The following PTPRN2 variants were observed in gnomAD, a reference collection of about 807,000 sequenced individuals.
PTPRN2 encodes protein tyrosine phosphatase receptor type N2.
A neutral mutation model predicts 118.8 loss-of-function variants in PTPRN2; 74 were observed. The ratio of observed to expected loss-of-function variants is 0.62; its 90% CI spans 0.52 to 0.76. PTPRN2 has a LOEUF of 0.76. PTPRN2 is among the 30% of genes least tolerant of loss of function. PTPRN2 has a pLI of 0.00. For synonymous variants in PTPRN2, 641 were observed against 608.0 expected (o/e 1.05, Z -0.80); for missense variants, 1,481 against 1,394.4 (o/e 1.06, Z -0.99).
intron 3 of PTPRN2, among the ~76,000 whole-genome samples, chr7:158,263,624 A>G (rs1797683070): frequency 6.6e-6 from 1 of 152,172 alleles, no homozygotes; most frequent in African/African-American, 2.4e-5. Flanking sequence ...GTGAGGGTCT[A>G]CTTCCAAATT....
intron 2 of PTPRN2, among the ~76,000 whole-genome samples, chr7:158,330,559 ACC>A: frequency 1.9e-5 from 1 of 53,706 alleles, no homozygotes; most frequent in African/African-American, 6.4e-5. Flanking sequence ...CGTCACTCAC[ACC>A]CACACTCTCA....
At chr7:158,443,571 G>A (rs967399378) in intron 2 of PTPRN2, among the ~76,000 whole-genome samples, 1 of 151,992 alleles carries the variant, frequency 6.6e-6, no homozygotes, top group Non-Finnish European at 1.5e-5. Flanking sequence ...AGCGGCGTGG[G>A]GCGACTCCTC....
intron 1 of PTPRN2, among the ~76,000 whole-genome samples, chr7:158,566,223 G>A (rs553931743): frequency 1.6e-3 from 240 of 152,176 alleles, no homozygotes; most frequent in Non-Finnish European, 2.6e-3. Context: ...GCGTGGTGGC[G>A]GGCACCTGTT....
chr7:157,657,473 C>A (rs1293388050), intron 13 of PTPRN2, among the ~76,000 whole-genome samples: 1 of 34,472 alleles, frequency 2.9e-5, no homozygotes, highest in Non-Finnish European at 6.5e-5. Flanking sequence ...CACACATACA[C>A]CACACACACC....
intron 12 of PTPRN2, among the ~76,000 whole-genome samples, chr7:157,897,244 C>G (rs1012762452): frequency 6.6e-6 from 1 of 152,114 alleles, no homozygotes; most frequent in Non-Finnish European, 1.5e-5. Flanking sequence ...ACGCAGGAGA[C>G]GCACCTCCGA....
intron 11 of PTPRN2, among the ~76,000 whole-genome samples, chr7:157,985,458 C>A (rs751526640): frequency 6.6e-6 from 1 of 152,170 alleles, no homozygotes; most frequent in Non-Finnish European, 1.5e-5. Context: ...AAGGTGACCT[C>A]ATTACCAGAA....
intron 12 of PTPRN2, among the ~76,000 whole-genome samples, chr7:157,791,413 G>A (rs1804483449): frequency 6.6e-6 from 1 of 152,232 alleles, no homozygotes; most frequent in African/African-American, 2.4e-5. Context: ...TTGGGAAGCG[G>A]AGCGGCCGCT....
chr7:158,213,047 A>AT (rs1218131694), intron 3 of PTPRN2, among the ~76,000 whole-genome samples: 1 of 152,248 alleles, frequency 6.6e-6, no homozygotes, highest in Non-Finnish European at 1.5e-5. Context: ...TGCAATTTGT[A>AT]CATGTTAGAT....
intron 21 of PTPRN2, 81 bp downstream of exon 21, chr7:157,568,821 C>G (rs564096944): frequency 7.0e-7 from 1 of 1,434,322 alleles, no homozygotes; most frequent in Non-Finnish European, 9.8e-7. Flanking sequence ...CAGGGCCTCC[C>G]GTGAACACGG....
At chr7:157,877,548 AGT>A (rs1204131404) in intron 12 of PTPRN2, among the ~76,000 whole-genome samples, 1 of 151,782 alleles carries the variant, frequency 6.6e-6, no homozygotes, top group Non-Finnish European at 1.5e-5. Flanking sequence ...CCCAGGTCCG[AGT>A]GCCCTACCCA....
intron 6 of PTPRN2, among the ~76,000 whole-genome samples, chr7:158,160,074 T>G (rs531000926): frequency 3.5e-4 from 54 of 152,344 alleles, no homozygotes; most frequent in South Asian, 1.0e-3. Context: ...AGCTTGTTAT[T>G]GTCTTTATTT....
At chr7:157,922,278 G>C (rs79132559) in intron 11 of PTPRN2, among the ~76,000 whole-genome samples, 1 of 152,118 alleles carries the variant, frequency 6.6e-6, no homozygotes, top group Non-Finnish European at 1.5e-5. Flanking sequence ...TAAATACTGG[G>C]TGACGGGGCC....
intron 13 of PTPRN2, among the ~76,000 whole-genome samples, chr7:157,667,952 G>A (rs969689537): frequency 8.5e-5 from 13 of 152,244 alleles, no homozygotes; most frequent in African/African-American, 2.7e-4. Context: ...GCAGAGTCAC[G>A]TGGGACCATC....
intron 14 of PTPRN2, among the ~76,000 whole-genome samples, chr7:157,652,311 C>T (rs760570322): frequency 1.3e-5 from 2 of 152,186 alleles, no homozygotes; most frequent in African/African-American, 2.4e-5. Flanking sequence ...TCAGGATGGG[C>T]GGCATCTCAG....
At position 157,903,514 on chromosome 7, in the gene PTPRN2, C is replaced by T. The variant is rs1054534214; in HGVS notation, c.1724-4777G>A. Among the ~76,000 whole-genome samples, 1 of 152,072 alleles carries T rather than the reference C, an allele frequency of 6.6e-6. No individual in the cohort carries two copies. Among genetic ancestry groups the T allele is most frequent in the Non-Finnish European group, 1.5e-5 (1 of 68,018 alleles). On this transcript the variant is annotated intron_variant, in intron 11 of 22. Transcript: ENST00000389418. The surrounding 1 kb of genome is among the most constrained non-coding windows in gnomAD (Gnocchi z 4.2). ...AATACGGATAAGTGAACAGATGTGCCACCGACAACCCTCCCACATGCCCCA... is the reference window on the plus strand; with the variant it reads ...AATACGGATAAGTGAACAGATGTGCTACCGACAACCCTCCCACATGCCCCA...
chr7:157,803,608 G>C (rs1805453350), intron 12 of PTPRN2, among the ~76,000 whole-genome samples: 2 of 152,166 alleles, frequency 1.3e-5, no homozygotes, highest in Non-Finnish European at 2.9e-5. Flanking sequence ...GTGGGTTTTT[G>C]TGGATGTGAG....
At position 157,853,965 on chromosome 7, in the gene PTPRN2, G is replaced by A. The variant is rs537277064; in HGVS notation, c.1788+44708C>T. Among the ~76,000 whole-genome samples the A allele has an allele frequency of 2.6e-4, 39 of 152,288 alleles. No individual in the cohort carries two copies. The South Asian group carries it at 7.2e-3, about 28-fold the overall frequency. Reference sequence around the variant, plus strand: ...GGGAACACCGCGTGAAGACGGAGACGGCACCCACAAGCCGAGGAGAGAGAT... The same window carrying A: ...GGGAACACCGCGTGAAGACGGAGACAGCACCCACAAGCCGAGGAGAGAGAT... On this transcript the variant is annotated intron_variant, in intron 12 of 22. Coordinates refer to ENST00000389418, the MANE Select transcript of PTPRN2 (RefSeq NM_002847.5).
At chr7:158,356,787 T>A (rs1197718195) in intron 2 of PTPRN2, among the ~76,000 whole-genome samples, 1 of 148,518 alleles carries the variant, frequency 6.7e-6, no homozygotes, top group South Asian at 2.1e-4. Context: ...TGAAAAGAGC[T>A]AAAAAAAAAA....
chr7:157,824,406 G>C (rs1807042301), intron 12 of PTPRN2, among the ~76,000 whole-genome samples: 1 of 152,230 alleles, frequency 6.6e-6, no homozygotes, highest in Non-Finnish European at 1.5e-5. Context: ...GGAGGCCTCT[G>C]TCTGGTGCCC....
Sources: gnomAD v4.1 joint callset for allele counts (sites outside exome capture counted in the v4.1 genomes callset) on GRCh38, gnomAD v4.1.1 for gene constraint, Gnocchi (gnomAD v3.1) non-coding constraint, MANE v1.5 for transcripts, NCBI Gene and HGNC (gene_info 2026-07-23, HGNC 2026-07-21) for gene names.